Variants in PKIB observed in about 807,000 individuals in gnomAD.
PKIB encodes the protein cAMP-dependent protein kinase inhibitor beta.
Under a neutral mutation model 4.5 loss-of-function variants are expected in PKIB, and 2 were observed. That is an observed-to-expected ratio of 0.44 (90% confidence interval 0.18 to 1.39). The LOEUF is 1.39. Among genes scored for constraint, PKIB ranks in the 40% most tolerant of loss-of-function variants. The pLI is 0.27. For missense variants in PKIB, 94 were observed against 92.6 expected (o/e 1.02, Z -0.06); for synonymous variants, 38 against 36.0 (o/e 1.06, Z -0.20).
At chr6:122,565,281 TC>T (rs1773152986) in intron 2 of PKIB, among the ~76,000 whole-genome samples, 1 of 152,172 alleles carries the variant, frequency 6.6e-6, no homozygotes, top group Non-Finnish European at 1.5e-5. Flanking sequence ...GTCCTGGAGA[TC>T]ATATCATAGC....
rs575874278 is a variant in PKIB, at chr6:122,720,243, T to C, written c.169+2280T>C. Among the ~76,000 whole-genome samples the C allele has an allele frequency of 5.3e-4, 81 of 152,316 alleles. 2 individuals carry two copies. The highest frequency in any genetic ancestry group is 1.7e-3 in the South Asian group (8 of 4,834). On this transcript the variant is annotated intron_variant, in intron 4 of 4. Coordinates refer to ENST00000368452, the MANE Select transcript of PKIB (RefSeq NM_181795.3). Reference sequence around the variant, plus strand: ...GCAGGAAATCTAGGATTTCAAGTGTTTTGCATGCTGCATGAAATTAACCTG... The same window carrying C: ...GCAGGAAATCTAGGATTTCAAGTGTCTTGCATGCTGCATGAAATTAACCTG...
chr6:122,627,900 A>G (rs1019714625), intron 1 of PKIB, among the ~76,000 whole-genome samples: 2 of 152,242 alleles, frequency 1.3e-5, no homozygotes, highest in South Asian at 2.1e-4. Flanking sequence ...TAAAATAAGG[A>G]AAATAAATAA....
intron 2 of PKIB, among the ~76,000 whole-genome samples, chr6:122,654,111 C>T (rs376006340): frequency 1.1e-4 from 17 of 152,300 alleles, no homozygotes; most frequent in African/African-American, 3.8e-4. Flanking sequence ...TGAAGCCAAC[C>T]TGATAGTTTC....
chr6:122,490,472 G>A (rs1008530504), intron 2 of PKIB, among the ~76,000 whole-genome samples: 2 of 152,084 alleles, frequency 1.3e-5, no homozygotes, highest in South Asian at 2.1e-4. Context: ...GGGGACTGGC[G>A]GGAGGTGATT....
At chr6:122,595,746 C>T (rs1409757324) in intron 3 of PKIB, among the ~76,000 whole-genome samples, 1 of 152,172 alleles carries the variant, frequency 6.6e-6, no homozygotes, top group East Asian at 1.9e-4. Context: ...AGTGAAAGTC[C>T]ATGTTGCTGA....
intron 2 of PKIB, among the ~76,000 whole-genome samples, chr6:122,537,363 G>C (rs1042219360): frequency 1.3e-5 from 2 of 151,756 alleles, no homozygotes; most frequent in East Asian, 3.9e-4. Context: ...TCCCCTTCCT[G>C]TGTCCATGTG....
At chr6:122,480,365 T>C (rs909440600) in intron 2 of PKIB, 1 of 152,202 alleles carries the variant, frequency 6.6e-6, no homozygotes, top group African/African-American at 2.4e-5. Flanking sequence ...TTTAATAAAA[T>C]TGCTAACCTA....
At chr6:122,631,691 G>C (rs989266547) in intron 1 of PKIB, among the ~76,000 whole-genome samples, 14 of 152,140 alleles carry the variant, frequency 9.2e-5, no homozygotes, top group Admixed American at 3.9e-4. Flanking sequence ...TCCAGGAAAG[G>C]ACATGACTCC....
At chr6:122,638,193 T>C (rs1031268309) in intron 2 of PKIB, among the ~76,000 whole-genome samples, 8 of 152,192 alleles carry the variant, frequency 5.3e-5, no homozygotes, top group African/African-American at 1.9e-4. Context: ...TGCTGGGGAC[T>C]CAGAGGAAGT....
At chr6:122,693,671 AGTG>A (rs1438053251) in intron 3 of PKIB, among the ~76,000 whole-genome samples, 5 of 152,260 alleles carry the variant, frequency 3.3e-5, no homozygotes, top group African/African-American at 1.2e-4. Flanking sequence ...TGGACTACAC[AGTG>A]TCAGATCAAT....
intron 3 of PKIB, among the ~76,000 whole-genome samples, chr6:122,603,694 A>G (rs1774443925): frequency 6.6e-6 from 1 of 152,234 alleles, no homozygotes; most frequent in East Asian, 1.9e-4. Flanking sequence ...TTGGCCAGGC[A>G]GGTCTTGAAC....
chr6:122,657,554 A>G (rs1372871485), intron 2 of PKIB, among the ~76,000 whole-genome samples: 1 of 152,202 alleles, frequency 6.6e-6, no homozygotes, highest in Non-Finnish European at 1.5e-5. Context: ...TTTCATACTG[A>G]GGGGAATTTA....
At position 122,723,160 on chromosome 6, in the gene PKIB, A is replaced by C. The variant is rs2115094891; in HGVS notation, c.170-1968A>C. ...TATCAGAATTCAGTCTTTGGACATC[A>C]TCTCTATCAACACTCCCTCACTTGT... On this transcript the variant is annotated intron_variant, in intron 4 of 4. Coordinates refer to ENST00000368452, the MANE Select transcript of PKIB (RefSeq NM_181795.3). 1.3e-5 allele frequency among the ~76,000 whole-genome samples: 2 copies of C among 152,268 alleles called. 1 individual carries two copies. The highest frequency in any genetic ancestry group is 4.1e-4 in the South Asian group (2 of 4,824).
At chr6:122,602,918 G>A (rs949130480) in intron 3 of PKIB, among the ~76,000 whole-genome samples, 10 of 146,338 alleles carry the variant, frequency 6.8e-5, no homozygotes, top group Non-Finnish European at 1.2e-4. Flanking sequence ...ATCGCACCAC[G>A]GCACTCCAGC....
intron 2 of PKIB, among the ~76,000 whole-genome samples, chr6:122,522,475 T>G (rs1776974737): frequency 6.6e-6 from 1 of 151,898 alleles, no homozygotes. Flanking sequence ...ACAAAAAAAC[T>G]CCTGCAGCTA....
At position 122,569,148 on chromosome 6, in the gene PKIB, G is replaced by A. The variant is rs141749216; in HGVS notation, c.-247-16773G>A. On this transcript the variant is annotated intron_variant, in intron 2 of 6. Coordinates refer to the PKIB transcript ENST00000392491. ...CCAAGGAGAGTCAGAGCACAGACCCGCCTAACCCTATCCCCAACTGGCTGT... is the reference window on the plus strand; with the variant it reads ...CCAAGGAGAGTCAGAGCACAGACCCACCTAACCCTATCCCCAACTGGCTGT... Among the ~76,000 whole-genome samples the A allele has an allele frequency of 3.1e-3, 474 of 152,240 alleles. 3 individuals carry two copies. Among genetic ancestry groups the A allele is most frequent in the African/African-American group, 0.011 (441 of 41,554 alleles).
chr6:122,676,809 G>A (rs1467565744), intron 3 of PKIB, among the ~76,000 whole-genome samples: 1 of 152,134 alleles, frequency 6.6e-6, no homozygotes, highest in East Asian at 1.9e-4. Flanking sequence ...TACACATTTT[G>A]CGGCAATATA....
At chr6:122,585,126 C>A (rs184954516) in intron 2 of PKIB, among the ~76,000 whole-genome samples, 1 of 152,014 alleles carries the variant, frequency 6.6e-6, no homozygotes, top group Non-Finnish European at 1.5e-5. Context: ...ATAGGATAGC[C>A]GTACTCTCCA....
At chr6:122,529,066 T>C (rs148331442) in intron 2 of PKIB, among the ~76,000 whole-genome samples, 1 of 152,264 alleles carries the variant, frequency 6.6e-6, no homozygotes, top group African/African-American at 2.4e-5. Flanking sequence ...TTAAAGTAAT[T>C]ACTGATGATA....
Sources: gnomAD v4.1 joint callset for allele counts (sites outside exome capture counted in the v4.1 genomes callset) on GRCh38, gnomAD v4.1.1 for gene constraint, MANE v1.5 for transcripts, NCBI Gene and HGNC (gene_info 2026-07-23, HGNC 2026-07-21) for gene names.